CCDC88C: variants seen among roughly 807,000 people sequenced by gnomAD.
CCDC88C encodes the protein protein Daple.
In CCDC88C, 131 loss-of-function variants were observed where a neutral mutation model predicts 198.8. That is an observed-to-expected ratio of 0.66 (90% CI 0.57 to 0.76). CCDC88C has a LOEUF of 0.76. Among genes scored for constraint, CCDC88C ranks in the 30% least tolerant of loss-of-function variants. CCDC88C has a pLI of 0.00. For missense variants in CCDC88C, 2,553 were observed against 2,631.6 expected, an observed-to-expected ratio of 0.97 and a Z score of 0.65; for synonymous variants, 1,166 against 1,114.7, an observed-to-expected ratio of 1.05 and a Z score of -0.92.
At chr14:91,275,779 T>G (rs1046676455) in intron 29 of CCDC88C, among the ~76,000 whole-genome samples, 2 of 150,394 alleles carry the variant, frequency 1.3e-5, no homozygotes, top group Admixed American at 1.3e-4. Flanking sequence ...AGTGCTGGAA[T>G]GACAGGCATG....
chr14:91,299,513 C>T (rs1891176821), intron 21 of CCDC88C, among the ~76,000 whole-genome samples: 1 of 152,216 alleles, frequency 6.6e-6, no homozygotes, highest in Admixed American at 6.5e-5. Context: ...TCCACGAAAG[C>T]CCCACGGAGA....
At position 91,273,180 on chromosome 14, in the gene CCDC88C, G is replaced by C. The variant is rs1183483991; in HGVS notation, c.5532C>G (p.Thr1844=). Residue 1844 remains threonine (T), a synonymous_variant, in exon 30 of 30, where the codon ACC becomes ACG. Transcript: ENST00000389857. This position sits in a 1 kb window ranked among gnomAD's most constrained non-coding sequence, Gnocchi z 5.6. ...AGCTGGGGGGTGCGGGGCTTTGCAG[G>C]GTGTGGCTGCCTGTCTCTCTGCCCC... ...ALGGRETGSH[T]LQSPAPPSSH... is the part of the protein sequence containing the mutation. The C allele has an allele frequency of 1.9e-6, 3 of 1,578,570 alleles. No individual in the cohort carries two copies. Among genetic ancestry groups the C allele is most frequent in the Admixed American group, 3.6e-5 (2 of 54,924 alleles).
intron 23 of CCDC88C, among the ~76,000 whole-genome samples, chr14:91,293,577 CCTGTCCCCTCGCCTG>C (rs1890857533): frequency 7.9e-6 from 1 of 126,464 alleles, no homozygotes; most frequent in Non-Finnish European, 1.7e-5. Context: ...GGCCCACCTT[CCTGTCCCCTCGCCTG>C]CCATGGCCCA....
chr14:91,335,558 G>T (rs1010233492), intron 10 of CCDC88C, among the ~76,000 whole-genome samples: 6 of 152,102 alleles, frequency 3.9e-5, no homozygotes, highest in African/African-American at 1.4e-4. Context: ...TTTGGGTGAG[G>T]CGCCCTCCTC....
intron 6 of CCDC88C, among the ~76,000 whole-genome samples, chr14:91,340,582 A>G (rs1027799790): frequency 1.3e-5 from 2 of 152,176 alleles, no homozygotes; most frequent in African/African-American, 2.4e-5. Flanking sequence ...GGAGATACAC[A>G]GCTCTGTCTA....
At chr14:91,410,825 T>C (rs1016894344) in intron 2 of CCDC88C, among the ~76,000 whole-genome samples, 1 of 152,202 alleles carries the variant, frequency 6.6e-6, no homozygotes, top group Admixed American at 6.5e-5. Flanking sequence ...TTGGTCTTTG[T>C]CATTGTAGAC....
intron 3 of CCDC88C, among the ~76,000 whole-genome samples, chr14:91,383,073 G>A (rs1225927828): frequency 6.6e-6 from 1 of 152,216 alleles, no homozygotes; most frequent in Non-Finnish European, 1.5e-5. Context: ...GGGCTCCAGT[G>A]CACCCCTTCC....
rs371314687 is a variant in CCDC88C, at chr14:91,303,753, G to A, written c.3583C>T (p.Leu1195=). The change falls in exon 20 of 30, where the codon CTA becomes TTA. Residue 1195 remains leucine (L), a synonymous_variant. Transcript: ENST00000389857. The part of the protein sequence containing the change: ...YEALIRQHSC[L]KTLHRNLELE... ...TCCAGATTCCGATGCAGTGTCTTTA[G>A]GCAGCTGTGCTGGCGGATGAGGGCC... 7 of 1,612,362 alleles carry A rather than the reference G, an allele frequency of 4.3e-6. No individual in the cohort carries two copies. Among genetic ancestry groups the A allele is most frequent in the African/African-American group, 1.3e-5 (1 of 74,922 alleles).
intron 4 of CCDC88C, among the ~76,000 whole-genome samples, chr14:91,346,635 T>C (rs1171109442): frequency 6.6e-6 from 1 of 152,202 alleles, no homozygotes; most frequent in Non-Finnish European, 1.5e-5. Flanking sequence ...CTGGGCACAG[T>C]GGCTCATGCC....
intron 18 of CCDC88C, 132 bp downstream of exon 18, chr14:91,306,906 A>G: frequency 1.0e-6 from 1 of 980,872 alleles, no homozygotes. Flanking sequence ...CTGCAACTCA[A>G]GACGTGTCCA....
chr14:91,281,521 A>T lies in CCDC88C; in HGVS notation c.4635T>A (p.Tyr1545Ter). The T allele has an allele frequency of 6.2e-7, 1 of 1,613,866 alleles. No individual in the cohort carries two copies. Among genetic ancestry groups the T allele is most frequent in the Non-Finnish European group, 8.5e-7 (1 of 1,179,776 alleles). ...GCTCACAGAGGTTGTCATCTGAGTT[A>T]TAGCCTAAGGTGAAAATAAGGCTAG... ...IARHPGRTKGYNSDDNLCEPS... is the reference protein window; with the variant it reads ...IARHPGRTKG The change falls in exon 27 of 30, where the codon TAT (tyrosine) becomes TAA (stop). Residue 1545 changes from tyrosine to a stop codon, truncating the protein, a stop_gained. Transcript: ENST00000389857. LOFTEE classifies it high-confidence loss of function.
At chr14:91,291,327 G>C (rs936894843) in intron 23 of CCDC88C, among the ~76,000 whole-genome samples, 4 of 152,190 alleles carry the variant, frequency 2.6e-5, no homozygotes, top group African/African-American at 9.7e-5. Context: ...AGCTGTGAGC[G>C]AGCTCAAGGC....
At chr14:91,327,120 G>C (rs1018148331) in intron 10 of CCDC88C, among the ~76,000 whole-genome samples, 1 of 152,178 alleles carries the variant, frequency 6.6e-6, no homozygotes, top group Non-Finnish European at 1.5e-5. Context: ...AAATGCCTTC[G>C]CAGGTTACAA....
intron 12 of CCDC88C, among the ~76,000 whole-genome samples, 197 bp from the exon 13 acceptor site, chr14:91,321,501 G>A (rs1191200890): frequency 6.6e-6 from 1 of 152,204 alleles, no homozygotes; most frequent in Non-Finnish European, 1.5e-5. Flanking sequence ...GGCTTTGCTG[G>A]GGTCTGTCAG....
intron 10 of CCDC88C, among the ~76,000 whole-genome samples, 200 bp downstream of exon 10, chr14:91,337,805 A>C (rs1285783): frequency 0.012 from 1,825 of 152,190 alleles, 29 homozygotes; most frequent in East Asian, 0.022. Flanking sequence ...TACACTCCTT[A>C]CCCTCCCCTG....
Position 91,273,664 on chromosome 14 carries a change from G to C in CCDC88C, c.5059-11C>G, listed in dbSNP as rs1889840066. On this transcript the variant is annotated splice_polypyrimidine_tract_variant and intron_variant, in intron 29 of 29. Coordinates refer to ENST00000389857, the MANE Select transcript of CCDC88C (RefSeq NM_001080414.4). The surrounding 1 kb of genome is among the most constrained non-coding windows in gnomAD (Gnocchi z 5.6). ...GCAACTGGGAGTGTCCTACGGAGAAGAGAGTGAAGGTTGGAGGTGGGCATG... is the reference window on the plus strand; with the variant it reads ...GCAACTGGGAGTGTCCTACGGAGAACAGAGTGAAGGTTGGAGGTGGGCATG... 1 of 1,450,344 alleles carries C rather than the reference G, an allele frequency of 6.9e-7. No homozygotes were observed. Among genetic ancestry groups the C allele is most frequent in the African/African-American group, 1.4e-5 (1 of 69,318 alleles). The allele number at this position is 1,450,344 out of a possible 1,614,324, so 89.8% of individuals were successfully genotyped here.
intron 3 of CCDC88C, among the ~76,000 whole-genome samples, chr14:91,396,838 T>C (rs540166898): frequency 6.6e-6 from 1 of 151,776 alleles, no homozygotes; most frequent in Admixed American, 6.6e-5. Flanking sequence ...CTACAAAAAA[T>C]CAGAAACATA....
At position 91,278,050 on chromosome 14, in the gene CCDC88C, C is replaced by T. The variant is rs1489738440; in HGVS notation, c.4930G>A (p.Glu1644Lys). The T allele has an allele frequency of 8.1e-6, 13 of 1,609,598 alleles. No individual in the cohort carries two copies. The highest frequency in any genetic ancestry group is 1.1e-5 in the Non-Finnish European group (13 of 1,178,198). The change falls in exon 29 of 30, where the codon GAG becomes AAG. Residue 1644 changes from glutamate to lysine, a missense_variant. This residue lies in a region of CCDC88C where 1,293 missense variants were observed against 1,219.6 expected (regional missense o/e 1.06). Transcript: ENST00000389857. ...GCTGTGCCCCTCTTCTGGGCACCCTCCTGTGGGAGAGGCCCGTTCCGAGGC... is the reference window on the plus strand; with the variant it reads ...GCTGTGCCCCTCTTCTGGGCACCCTTCTGTGGGAGAGGCCCGTTCCGAGGC... ...PLPRNGPLPQ[E>K]GAQKRGTAPP...
intron 10 of CCDC88C, among the ~76,000 whole-genome samples, chr14:91,330,509 ATGAGCGAGGATGCCAGTGAGGC>A (rs2139841546): frequency 6.6e-6 from 1 of 152,304 alleles, no homozygotes; most frequent in East Asian, 1.9e-4. Context: ...CTGGAGTAAC[ATGAGCGAGGATGCCAGTGAGGC>A]TGAGCCACAC....
Sources: allele counts gnomAD v4.1 joint callset (sites outside exome capture counted in the v4.1 genomes callset), GRCh38; gene constraint gnomAD v4.1.1; regional missense constraint gnomAD v4.1.1; non-coding constraint Gnocchi (gnomAD v3.1); transcripts MANE v1.5; gene names NCBI Gene and HGNC (gene_info 2026-07-23, HGNC 2026-07-21).